Variants in TSPEAR observed in about 807,000 individuals in gnomAD.
TSPEAR encodes thrombospondin type laminin G domain and EAR repeats.
A neutral mutation model predicts 71.6 loss-of-function variants in TSPEAR; 69 were observed. The ratio of observed to expected loss-of-function variants is 0.96; its 90% CI spans 0.79 to 1.18. The LOEUF is 1.18. Ranked by LOEUF, TSPEAR falls within the 50% of genes most tolerant of loss-of-function variation. The pLI, the probability that TSPEAR is intolerant of heterozygous loss-of-function variation, is 0.00. For synonymous variants in TSPEAR, 402 were observed against 387.2 expected (o/e 1.04, Z -0.45); for missense variants, 971 against 894.9 (o/e 1.09, Z -1.09).
intron 1 of TSPEAR, among the ~76,000 whole-genome samples, chr21:44,610,863 G>A (rs782531870): frequency 2.0e-5 from 3 of 152,226 alleles, no homozygotes; most frequent in Non-Finnish European, 4.4e-5. Flanking sequence ...GAGACCTGGA[G>A]TCAAACGAGA....
At position 44,642,293 on chromosome 21, in the gene TSPEAR, A is replaced by G. The variant is rs1984060000; in HGVS notation, c.82+69140T>C. 6.6e-6 allele frequency among the ~76,000 whole-genome samples: 1 copy of G among 152,230 alleles called. No individual in the cohort carries two copies. The highest frequency in any genetic ancestry group is 1.5e-5 in the Non-Finnish European group (1 of 68,042). ...CTCAGATGTTTCAAAGATGTATACC[A>G]TCAGCCTTCAATACAAAGACTTTTC... is the stretch of plus-strand genomic sequence containing the variant. On this transcript the variant is annotated intron_variant, in intron 1 of 11. Transcript: ENST00000323084. This position sits in a 1 kb window ranked among gnomAD's most constrained non-coding sequence, Gnocchi z 4.1.
At chr21:44,602,459 G>A (rs1981012199) in intron 1 of TSPEAR, among the ~76,000 whole-genome samples, 1 of 152,232 alleles carries the variant, frequency 6.6e-6, no homozygotes, top group Admixed American at 6.5e-5. Flanking sequence ...GAAACCCCAT[G>A]GCCGTGTGCA....
intron 8 of TSPEAR, 98 bp downstream of exon 8, chr21:44,525,555 T>C: frequency 7.8e-7 from 1 of 1,282,380 alleles, no homozygotes; most frequent in Non-Finnish European, 1.1e-6. Context: ...TGCATGTGGC[T>C]TATTGTTTTC....
chr21:44,706,182 C>T (rs574962100), intron 1 of TSPEAR, among the ~76,000 whole-genome samples: 60 of 152,350 alleles, frequency 3.9e-4, no homozygotes, highest in African/African-American at 1.3e-3. Context: ...CCAGGTAGAA[C>T]TGGCAGCGCC....
In TSPEAR at chr21:44,612,141, C is replaced by A. The variant is rs587593495; in HGVS notation, c.83-44136G>T. 1.2e-6 allele frequency: 2 copies of A among 1,613,968 alleles called. No individual in the cohort carries two copies. Among genetic ancestry groups the A allele is most frequent in the Non-Finnish European group, 1.7e-6 (2 of 1,179,998 alleles). ...TGCACCAGGACGTATGTGATTGCTG[C>A]ATCCACCATGTCTGTCTGCTCCAGT... On this transcript the variant is annotated intron_variant, in intron 1 of 11. Transcript: ENST00000323084. This position sits in a 1 kb window ranked among gnomAD's most constrained non-coding sequence, Gnocchi z 4.1.
intron 11 of TSPEAR, among the ~76,000 whole-genome samples, chr21:44,500,659 C>T (rs1176402156): frequency 6.6e-6 from 1 of 152,246 alleles, no homozygotes; most frequent in African/African-American, 2.4e-5. Flanking sequence ...CTCCACTGCC[C>T]ATCTTTAACA....
rs76799500 is a variant in TSPEAR at position 44,616,280 on chromosome 21, G to A, written c.83-48275C>T. 7.7e-3 allele frequency among the ~76,000 whole-genome samples: 1,173 copies of A among 152,288 alleles called. 22 individuals are homozygous for A. In the East Asian group the frequency reaches 0.1, roughly 14 times the overall value. On this transcript the variant is annotated intron_variant, in intron 1 of 11. Transcript: ENST00000323084. ...CCCCAGGGGAGGTGGACGCTCTCAC[G>A]GTGCCCTTTTGTCTCTAAAGCGGGG...
intron 1 of TSPEAR, among the ~76,000 whole-genome samples, chr21:44,586,345 A>T (rs1979337447): frequency 6.6e-6 from 1 of 152,194 alleles, no homozygotes; most frequent in Admixed American, 6.5e-5. Flanking sequence ...CCTGGTCTGC[A>T]GATGGCATGC....
intron 1 of TSPEAR, among the ~76,000 whole-genome samples, chr21:44,610,184 C>T (rs1323050309): frequency 3.3e-5 from 5 of 152,166 alleles, no homozygotes; most frequent in Admixed American, 6.5e-5. Context: ...AAATTCAAGC[C>T]GGATGCAGAA....
chr21:44,571,138 G>A (rs1413067020), intron 1 of TSPEAR, among the ~76,000 whole-genome samples: 2 of 152,152 alleles, frequency 1.3e-5, no homozygotes, highest in Non-Finnish European at 2.9e-5. Flanking sequence ...CCAGGCAAAG[G>A]CATTGCAATA....
At chr21:44,511,241 G>A (rs2052365065) in intron 9 of TSPEAR, among the ~76,000 whole-genome samples, 1 of 152,014 alleles carries the variant, frequency 6.6e-6, no homozygotes. Flanking sequence ...TGCACACACA[G>A]GCCCATACCT....
chr21:44,646,931 T>C lies in TSPEAR; in HGVS notation c.82+64502A>G, dbSNP rs781981424. ...GTCTGCTGCAAGCCTGTGTGCTGTGTGTCCACCTGCTCTGAGGATTCCTCT... is the reference window on the plus strand; with the variant it reads ...GTCTGCTGCAAGCCTGTGTGCTGTGCGTCCACCTGCTCTGAGGATTCCTCT... On this transcript the variant is annotated intron_variant, in intron 1 of 11. Transcript: ENST00000323084. 11 of 1,610,714 alleles carry C rather than the reference T, an allele frequency of 6.8e-6. No individual in the cohort carries two copies. Among genetic ancestry groups the C allele is most frequent in the East Asian group, 6.7e-5 (3 of 44,730 alleles).
At position 44,705,723 on chromosome 21, in the gene TSPEAR, A is replaced by G. The variant is rs532405808; in HGVS notation, c.82+5710T>C. Among the ~76,000 whole-genome samples the G allele has an allele frequency of 2.6e-4, 39 of 152,340 alleles. 1 individual carries two copies. In the Middle Eastern group the frequency reaches 0.027, roughly 106 times the overall value. ...TGATCTCAAAACCCTGTCTCCTGAT[A>G]AGATGTTATCAATGACAATGGTGCC... is the stretch of plus-strand genomic sequence containing the variant. On this transcript the variant is annotated intron_variant, in intron 1 of 11. Transcript: ENST00000323084.
At chr21:44,636,453 C>T (rs2146216522) in intron 1 of TSPEAR, among the ~76,000 whole-genome samples, 1 of 152,288 alleles carries the variant, frequency 6.6e-6, no homozygotes, top group South Asian at 2.1e-4. Context: ...TGAGCGTGGC[C>T]TGGGACAGTC....
chr21:44,518,507 C>T, intron 9 of TSPEAR: 1 of 394,772 alleles, frequency 2.5e-6, no homozygotes, highest in Non-Finnish European at 5.3e-6. Flanking sequence ...TTTCTCTTGT[C>T]ACCTCACTTT....
Position 44,711,007 on chromosome 21 carries a change from T to C in TSPEAR, c.82+426A>G, listed in dbSNP as rs1272039289. Among the ~76,000 whole-genome samples, 2 of 152,196 alleles carry C rather than the reference T, an allele frequency of 1.3e-5. No individual in the cohort carries two copies. Among genetic ancestry groups the C allele is most frequent in the Admixed American group, 1.3e-4 (2 of 15,290 alleles). Reference sequence around the variant, plus strand: ...GCAGGGCCGGTGTGGCCCTTCGCTTTGCTGAGTGCAGGCTGGGGGCACCTC... The same window carrying C: ...GCAGGGCCGGTGTGGCCCTTCGCTTCGCTGAGTGCAGGCTGGGGGCACCTC... On this transcript the variant is annotated intron_variant, in intron 1 of 11. Transcript: ENST00000323084. This position sits in a 1 kb window ranked among gnomAD's most constrained non-coding sequence, Gnocchi z 4.5.
At chr21:44,521,805 C>CGT in intron 9 of TSPEAR, 78 bp downstream of exon 9, 17 of 1,388,622 alleles carry the variant, frequency 1.2e-5, no homozygotes, top group South Asian at 8.5e-5. Flanking sequence ...CCCCAGCCCA[C>CGT]ATCACCTGTC....
At chr21:44,576,092 T>C (rs148345863) in intron 1 of TSPEAR, among the ~76,000 whole-genome samples, 19 of 152,342 alleles carry the variant, frequency 1.2e-4, no homozygotes, top group African/African-American at 4.3e-4. Context: ...GTGCCAACTA[T>C]TCCAATGGTT....
At chr21:44,693,583 T>A (rs1367405549) in intron 1 of TSPEAR, among the ~76,000 whole-genome samples, 13 of 152,074 alleles carry the variant, frequency 8.5e-5, no homozygotes, top group Admixed American at 2.6e-4. Context: ...ACAGTATTAC[T>A]CATTAGGAAA....
Sources: allele counts gnomAD v4.1 joint callset (sites outside exome capture counted in the v4.1 genomes callset), GRCh38; gene constraint gnomAD v4.1.1; non-coding constraint Gnocchi (gnomAD v3.1); transcripts MANE v1.5; gene names NCBI Gene and HGNC (gene_info 2026-07-23, HGNC 2026-07-21).